The following PDXK variants were observed in gnomAD, a reference collection of about 807,000 sequenced individuals.
The protein encoded by PDXK is epididymis secretory sperm binding protein Li 1a.
In PDXK, 15 loss-of-function variants were observed where a neutral mutation model predicts 43.2. The observed-to-expected ratio is 0.35, with a 90% CI of 0.23 to 0.53. The LOEUF is 0.53. Ranked by LOEUF, PDXK falls within the 20% of genes least tolerant of loss-of-function variation. PDXK has a pLI of 0.92. For synonymous variants in PDXK, 172 were observed against 165.4 expected (o/e 1.04, Z -0.31); for missense variants, 343 against 417.0 (o/e 0.82, Z 1.54).
At chr21:43,753,747 C>T (rs750598827) in intron 9 of PDXK, 28 bp downstream of exon 9, 43 of 1,591,024 alleles carry the variant, frequency 2.7e-5, no homozygotes, top group Non-Finnish European at 3.2e-5. Context: ...CTCCCCTCCT[C>T]GCCCACTCCC....
Position 43,761,519 on chromosome 21 carries a change from C to A in PDXK, c.*5456C>A, listed in dbSNP as rs1409917168. On this transcript the variant is annotated 3_prime_UTR_variant, in exon 11 of 11. Coordinates refer to ENST00000291565, the MANE Select transcript of PDXK (RefSeq NM_003681.5). ...CACGACCTGGGTACTGCCTGGGAAACCTGTCCTAAGTAAAACTATGGACCT... is the reference window on the plus strand; with the variant it reads ...CACGACCTGGGTACTGCCTGGGAAAACTGTCCTAAGTAAAACTATGGACCT... 1.3e-5 allele frequency: 2 copies of A among 155,940 alleles called. No individual in the cohort carries two copies. The highest frequency in any genetic ancestry group is 4.8e-5 in the African/African-American group (2 of 41,532). 9.7% of individuals were successfully genotyped at this position (155,940 alleles called of 1,614,324 possible). A position where few individuals can be genotyped will look rare whatever the true frequency, so the allele number is the denominator to read the frequency against.
chr21:43,757,591 G>A lies in PDXK; in HGVS notation c.*1528G>A, dbSNP rs2083871122. On this transcript the variant is annotated 3_prime_UTR_variant, in exon 11 of 11. Coordinates refer to ENST00000291565, the MANE Select transcript of PDXK (RefSeq NM_003681.5). ...GAAAAATGCCCTGAAGCGAAAAGAT[G>A]CAGGTTTATATGGAACCCCCACCCC... 6.6e-6 allele frequency: 1 copy of A among 152,260 alleles called. No homozygotes were observed. The highest frequency in any genetic ancestry group is 2.4e-5 in the African/African-American group (1 of 41,438). The allele number at this position is 152,260 out of a possible 1,614,324, so 9.4% of individuals were successfully genotyped here.
chr21:43,733,255 C>CCCCCCCCCCCCCCCCCCCCCCCCCCG (rs2083346923), intron 1 of PDXK, among the ~76,000 whole-genome samples: 1 of 59,878 alleles, frequency 1.7e-5, no homozygotes, highest in Non-Finnish European at 3.4e-5. Flanking sequence ...CCATCCCCAC[C>CCCCCCCCCCCCCCCCCCCCCCCCCCG]CCCCCCCCCG....
chr21:43,722,624 C>T (rs1048910319), intron 1 of PDXK, among the ~76,000 whole-genome samples: 1 of 151,900 alleles, frequency 6.6e-6, no homozygotes, highest in African/African-American at 2.4e-5. Flanking sequence ...GGGCCATGCT[C>T]CCTCCATACA....
intron 2 of PDXK, chr21:43,738,244 G>T (rs1158733723): frequency 6.4e-6 from 1 of 156,926 alleles, no homozygotes; most frequent in Non-Finnish European, 1.4e-5. Flanking sequence ...AAGAGATGAG[G>T]ACACAGACAC....
intron 5 of PDXK, chr21:43,747,131 C>G (rs2083652116): frequency 6.6e-6 from 1 of 152,210 alleles, no homozygotes; most frequent in Non-Finnish European, 1.5e-5. Context: ...GACCCCATCT[C>G]AAAAAACAAA....
In PDXK at chr21:43,754,350, C is replaced by T. The variant is rs1018001804; in HGVS notation, c.759+631C>T. ...CATGGCAGGTTGGGATGTGGGGTCTCGTGAGCCTTTCTCGTGTGTCCCATG... is the reference window on the plus strand; with the variant it reads ...CATGGCAGGTTGGGATGTGGGGTCTTGTGAGCCTTTCTCGTGTGTCCCATG... On this transcript the variant is annotated intron_variant, in intron 9 of 10. Coordinates refer to ENST00000291565, the MANE Select transcript of PDXK (RefSeq NM_003681.5). The surrounding 1 kb of genome is among the most constrained non-coding windows in gnomAD (Gnocchi z 5.5). 6.6e-6 allele frequency among the ~76,000 whole-genome samples: 1 copy of T among 152,076 alleles called. No individual in the cohort carries two copies. The highest frequency in any genetic ancestry group is 1.5e-5 in the Non-Finnish European group (1 of 68,002).
At position 43,752,513 on chromosome 21, in the gene PDXK, G is replaced by T; in HGVS notation, c.511-5G>T. ...CGTGGCTGACGCTCCCTGTGCCACT[G>T]CTAGGTGATGGACATGCTGCACTCT... On this transcript the variant is annotated splice_polypyrimidine_tract_variant and splice_region_variant and intron_variant, in intron 7 of 10. Transcript: ENST00000291565. 6.2e-7 allele frequency: 1 copy of T among 1,601,668 alleles called. No homozygotes were observed.
At position 43,732,424 on chromosome 21, in the gene PDXK, A is replaced by G. The variant is rs1185802046; in HGVS notation, c.88-1645A>G. 1.2e-6 allele frequency: 2 copies of G among 1,612,842 alleles called. No individual in the cohort carries two copies. The highest frequency in any genetic ancestry group is 1.1e-5 in the South Asian group (1 of 91,086). On this transcript the variant is annotated intron_variant, in intron 1 of 10. Transcript: ENST00000291565. This position sits in a 1 kb window ranked among gnomAD's most constrained non-coding sequence, Gnocchi z 4.1. ...CCAGACCAGCTTGCGATGCTGATGA[A>G]TAAGCTGATTTTGATGGGGTGTGTG...
rs376892457 is a variant in PDXK, at chr21:43,740,009, C to A, written c.143-1658C>A. Among the ~76,000 whole-genome samples, 14 of 151,916 alleles carry A rather than the reference C, an allele frequency of 9.2e-5. 1 individual carries two copies. Among genetic ancestry groups the A allele is most frequent in the Admixed American group, 7.2e-4 (11 of 15,248 alleles). The stretch of plus-strand genomic sequence containing the variant: ...CGCCCGCAGTGGATACCACCTGCCC[C>A]TCCTGACCCCAGTGACTGTTAACCC... On this transcript the variant is annotated intron_variant, in intron 2 of 10. Transcript: ENST00000291565.
chr21:43,753,598 C>T lies in PDXK; in HGVS notation c.638C>T (p.Ser213Phe), dbSNP rs756627812. ...GSQRRRNPAGSVVMERIRMDI... is the reference protein window; with the variant it reads ...GSQRRRNPAGFVVMERIRMDI... ...CTCCCCCTAGGGAATCCCGCTGGCTCCGTGGTGATGGAACGCATCCGGATG... is the reference window on the plus strand; with the variant it reads ...CTCCCCCTAGGGAATCCCGCTGGCTTCGTGGTGATGGAACGCATCCGGATG... The change falls in exon 9 of 11, where the codon TCC (serine) becomes TTC (phenylalanine). Residue 213 changes from serine (S) to phenylalanine (F), a missense_variant. By Grantham distance (155) the Ser-to-Phe change is radical (BLOSUM62 -2). Transcript: ENST00000291565. The T allele has an allele frequency of 5.0e-6, 8 of 1,612,798 alleles. No homozygotes were observed. Among genetic ancestry groups the T allele is most frequent in the Non-Finnish European group, 6.8e-6 (8 of 1,179,200 alleles).
At position 43,737,111 on chromosome 21, in the gene PDXK, G is replaced by A. The variant is rs1305615506; in HGVS notation, c.142+2988G>A. On this transcript the variant is annotated intron_variant, in intron 2 of 10. Coordinates refer to ENST00000291565, the MANE Select transcript of PDXK (RefSeq NM_003681.5). This position sits in a 1 kb window ranked among gnomAD's most constrained non-coding sequence, Gnocchi z 4.8. ...GCACGCCCACCTCCTGCCCAGGGTT[G>A]TTACTGGGGTGGTCACGTGGGCAGC... 2 of 1,039,036 alleles carry A rather than the reference G, an allele frequency of 1.9e-6. No individual in the cohort carries two copies. The highest frequency in any genetic ancestry group is 5.2e-5 in the East Asian group (2 of 38,368). The allele number at this position is 1,039,036 out of a possible 1,614,324, so 64.4% of individuals were successfully genotyped here.
chr21:43,742,436 CCTCCCAAAGTG>C (rs1216822133), intron 3 of PDXK, among the ~76,000 whole-genome samples: 1 of 152,146 alleles, frequency 6.6e-6, no homozygotes, highest in Non-Finnish European at 1.5e-5. Flanking sequence ...CCCACCCTAG[CCTCCCAAAGTG>C]CTGGGATTAC....
At chr21:43,751,753 G>T (rs1248418321) in intron 7 of PDXK, among the ~76,000 whole-genome samples, 1 of 152,160 alleles carries the variant, frequency 6.6e-6, no homozygotes, top group Non-Finnish European at 1.5e-5. Flanking sequence ...GCCCTCATCA[G>T]GCACAGAGAA....
intron 3 of PDXK, among the ~76,000 whole-genome samples, chr21:43,742,090 C>T (rs1246691706): frequency 6.6e-6 from 1 of 152,144 alleles, no homozygotes; most frequent in Non-Finnish European, 1.5e-5. Context: ...GTGGGTGGGA[C>T]ACTCAATTAG....
chr21:43,752,612 TG>T lies in PDXK; in HGVS notation c.609del (p.Ser204ValfsTer12). The T allele has an allele frequency of 1.2e-6, 2 of 1,611,188 alleles. No individual in the cohort carries two copies. Among genetic ancestry groups the T allele is most frequent in the Non-Finnish European group, 1.7e-6 (2 of 1,177,904 alleles). The stretch of plus-strand genomic sequence containing the variant: ...CAGGGCAGCAACTACCTGATTGTGC[TG>T]GGGAGTCAGAGGAGGAGTAAGTGCC... ...SPQGSNYLIV[L>X]GSQRRRNPAG... is the part of the protein sequence containing the mutation. On this transcript the variant is annotated frameshift_variant, in exon 8 of 11. Transcript: ENST00000291565. LOFTEE classifies it high-confidence loss of function.
Position 43,723,896 on chromosome 21 carries a change from A to T in PDXK, c.87+4515A>T, listed in dbSNP as rs2083228620. On this transcript the variant is annotated intron_variant, in intron 1 of 10. Transcript: ENST00000291565. This position sits in a 1 kb window ranked among gnomAD's most constrained non-coding sequence, Gnocchi z 4.1. ...CCTCCGTGCTGCAGGACCACAGTGC[A>T]GGTGCGCTTTCACAGGGCCGCTCCT... The T allele has an allele frequency of 6.6e-6, 1 of 152,296 alleles. No individual in the cohort carries two copies. Among genetic ancestry groups the T allele is most frequent in the African/African-American group, 2.4e-5 (1 of 41,470 alleles). The allele number at this position is 152,296 out of a possible 1,614,324, so 9.4% of individuals were successfully genotyped here. A position where few individuals can be genotyped will look rare whatever the true frequency, so the allele number is the denominator to read the frequency against.
At chr21:43,719,556 G>A (rs978975722) in intron 1 of PDXK, 175 bp downstream of exon 1, 2 of 969,654 alleles carry the variant, frequency 2.1e-6, no homozygotes, top group Non-Finnish European at 1.2e-6. Flanking sequence ...GCTTGCGGGG[G>A]CGGAAGCGGA....
chr21:43,725,363 C>A (rs2083243859), intron 1 of PDXK, among the ~76,000 whole-genome samples: 1 of 152,070 alleles, frequency 6.6e-6, no homozygotes, highest in African/African-American at 2.4e-5. Flanking sequence ...AAAATCTTTA[C>A]ATTTTTTCTT....
Sources: allele counts gnomAD v4.1 joint callset (sites outside exome capture counted in the v4.1 genomes callset), GRCh38; gene constraint gnomAD v4.1.1; non-coding constraint Gnocchi (gnomAD v3.1); transcripts MANE v1.5; gene names NCBI Gene and HGNC (gene_info 2026-07-23, HGNC 2026-07-21).